Variants in RIMS2 observed in about 807,000 individuals in gnomAD.
The protein encoded by RIMS2 is regulating synaptic membrane exocytosis 2, also known as regulating synaptic membrane exocytosis protein 2.
In RIMS2, 59 loss-of-function variants were observed where a neutral mutation model predicts 174.4. The ratio of observed to expected loss-of-function variants is 0.34; its 90% CI spans 0.27 to 0.42. RIMS2 has a LOEUF of 0.42. Ranked by LOEUF, RIMS2 falls within the 10% of genes least tolerant of loss-of-function variation. The probability of loss-of-function intolerance (pLI) is 1.00; values close to 1 mark genes in which losing one functional copy is unlikely to be tolerated. For missense variants in RIMS2, 1,620 were observed against 1,666.3 expected (o/e 0.97, Z 0.48); for synonymous variants, 606 against 572.5 (o/e 1.06, Z -0.84).
intron 1 of RIMS2, among the ~76,000 whole-genome samples, chr8:103,676,274 T>G (rs903885416): frequency 6.6e-6 from 1 of 152,214 alleles, no homozygotes; most frequent in African/African-American, 2.4e-5. Context: ...AGGTATATTT[T>G]CAAAACAATT....
At chr8:103,786,277 C>A (rs1035928819) in intron 3 of RIMS2, among the ~76,000 whole-genome samples, 1 of 152,020 alleles carries the variant, frequency 6.6e-6, no homozygotes, top group Admixed American at 6.6e-5. Flanking sequence ...TCCTTCAGTT[C>A]TCCTCTGATT....
intron 1 of RIMS2, among the ~76,000 whole-genome samples, chr8:103,551,466 A>G (rs953029831): frequency 6.6e-6 from 1 of 152,190 alleles, no homozygotes; most frequent in African/African-American, 2.4e-5. Flanking sequence ...AATAAGAGCT[A>G]TTTTTGGCAA....
At chr8:103,514,664 G>C (rs931360490) in intron 1 of RIMS2, among the ~76,000 whole-genome samples, 4 of 152,088 alleles carry the variant, frequency 2.6e-5, no homozygotes, top group African/African-American at 9.7e-5. Flanking sequence ...ATTATTCCAA[G>C]GTTGTTTAAT....
intron 17 of RIMS2, among the ~76,000 whole-genome samples, chr8:103,993,283 G>A (rs1011906022): frequency 4.6e-5 from 7 of 152,044 alleles, no homozygotes; most frequent in Admixed American, 2.6e-4. Flanking sequence ...TATTTCCATG[G>A]AGTGTACTTT....
At chr8:104,196,778 A>C (rs1587071049) in intron 19 of RIMS2, among the ~76,000 whole-genome samples, 1 of 136,560 alleles carries the variant, frequency 7.3e-6, no homozygotes, top group Admixed American at 7.0e-5. Flanking sequence ...ATGCTTAACA[A>C]ATATCCATAT....
intron 2 of RIMS2, among the ~76,000 whole-genome samples, chr8:103,760,370 A>T (rs563165537): frequency 4.7e-4 from 72 of 152,328 alleles, no homozygotes; most frequent in African/African-American, 1.6e-3. Context: ...TTGTTTTGTA[A>T]TCCAGAATCT....
Position 103,637,723 on chromosome 8 carries a change from G to A in RIMS2, c.177-59363G>A, listed in dbSNP as rs77465159. ...TGTATTTATCAAAACAAAGAAAACA[G>A]GATTGGTACAATACTATTAAATAAC... On this transcript the variant is annotated intron_variant, in intron 1 of 23. Transcript: ENST00000504942. Among the ~76,000 whole-genome samples, 573 of 152,258 alleles carry A rather than the reference G, an allele frequency of 3.8e-3. 8 individuals are homozygous for A. The highest frequency in any genetic ancestry group is 0.013 in the African/African-American group (545 of 41,566).
intron 1 of RIMS2, among the ~76,000 whole-genome samples, chr8:103,683,715 G>A (rs1372547029): frequency 6.6e-6 from 1 of 152,154 alleles, no homozygotes; most frequent in Non-Finnish European, 1.5e-5. Context: ...TGGCACAAAG[G>A]TACAAATATG....
At chr8:103,894,060 G>A (rs547998094) in intron 4 of RIMS2, among the ~76,000 whole-genome samples, 112 of 152,098 alleles carry the variant, frequency 7.4e-4, no homozygotes, top group African/African-American at 2.6e-3. Context: ...TCAACTCACA[G>A]GAAAGCAAAG....
chr8:104,076,168 T>C (rs148901220), intron 19 of RIMS2, among the ~76,000 whole-genome samples: 231 of 152,328 alleles, frequency 1.5e-3, no homozygotes, highest in African/African-American at 5.3e-3. Flanking sequence ...AATGGTAATC[T>C]TATCAAGGCC....
intron 1 of RIMS2, among the ~76,000 whole-genome samples, chr8:103,640,474 T>C (rs935804068): frequency 4.6e-5 from 7 of 152,054 alleles, no homozygotes; most frequent in African/African-American, 1.7e-4. Context: ...TAATTGTAGA[T>C]ATGTCTTACA....
At chr8:104,018,441 G>T (rs2095987712) in intron 19 of RIMS2, among the ~76,000 whole-genome samples, 1 of 151,836 alleles carries the variant, frequency 6.6e-6, no homozygotes, top group Admixed American at 6.6e-5. Flanking sequence ...TTAATGAATG[G>T]GTATTACTTA....
chr8:103,637,369 A>T (rs1471229992), intron 1 of RIMS2, among the ~76,000 whole-genome samples: 2 of 152,118 alleles, frequency 1.3e-5, no homozygotes, highest in Admixed American at 1.3e-4. Flanking sequence ...CTTTTCTTGA[A>T]TTTACTTTTT....
At chr8:103,986,222 A>G (rs984096975) in intron 16 of RIMS2, among the ~76,000 whole-genome samples, 1 of 152,224 alleles carries the variant, frequency 6.6e-6, no homozygotes, top group Non-Finnish European at 1.5e-5. Flanking sequence ...CTTGACAAAA[A>G]AATTTTTAAC....
chr8:104,093,386 A>T, intron 19 of RIMS2, 85 bp from the exon 24 acceptor site: 2 of 966,606 alleles, frequency 2.1e-6, no homozygotes, highest in Non-Finnish European at 1.5e-6. Flanking sequence ...GTGGACAATT[A>T]AAGTGATGAA....
At chr8:104,103,076 T>C (rs2097938918) in intron 19 of RIMS2, among the ~76,000 whole-genome samples, 1 of 152,158 alleles carries the variant, frequency 6.6e-6, no homozygotes, top group East Asian at 1.9e-4. Context: ...CACTGATTCA[T>C]ACTACAACAT....
intron 16 of RIMS2, 32 bp from the exon 19 acceptor site, chr8:103,989,273 A>G (rs754457647): frequency 2.9e-5 from 36 of 1,240,148 alleles, no homozygotes; most frequent in South Asian, 1.1e-4. Flanking sequence ...CAAATGGTTT[A>G]CTAAGATATT....
chr8:103,586,008 T>C (rs547402388), intron 1 of RIMS2, among the ~76,000 whole-genome samples: 2 of 151,514 alleles, frequency 1.3e-5, no homozygotes, highest in Non-Finnish European at 2.9e-5. Flanking sequence ...AGAAGGTTGC[T>C]ATAAAATGAT....
At chr8:104,240,104 G>A (rs773655957) in intron 19 of RIMS2, among the ~76,000 whole-genome samples, 55 of 152,156 alleles carry the variant, frequency 3.6e-4, no homozygotes, top group Non-Finnish European at 8.8e-5. Flanking sequence ...ACATCTCTGT[G>A]ATTTCCCTTT....
Sources: gnomAD v4.1 joint callset for allele counts (sites outside exome capture counted in the v4.1 genomes callset) on GRCh38, gnomAD v4.1.1 for gene constraint, MANE v1.5 for transcripts, NCBI Gene and HGNC (gene_info 2026-07-23, HGNC 2026-07-21) for gene names.